The following IRAG2 variants were observed in gnomAD, a reference collection of about 807,000 sequenced individuals.
IRAG2 encodes the protein lymphoid restricted membrane protein.
A neutral mutation model predicts 69.9 loss-of-function variants in IRAG2; 45 were observed. The observed-to-expected ratio is 0.64, with a 90% CI of 0.51 to 0.83. The LOEUF (loss-of-function observed/expected upper bound fraction) is 0.83, where lower values mean the gene tolerates loss of function less well. Ranked by LOEUF, IRAG2 falls within the 40% of genes least tolerant of loss-of-function variation. The probability of loss-of-function intolerance (pLI) is 0.00; values close to 1 mark genes in which losing one functional copy is unlikely to be tolerated. For missense variants in IRAG2, 520 were observed against 587.0 expected, an observed-to-expected ratio of 0.89 and a Z score of 1.18; for synonymous variants, 193 against 202.4, an observed-to-expected ratio of 0.95 and a Z score of 0.40.
At chr12:25,071,738 A>T (rs1200469943) in intron 6 of IRAG2, among the ~76,000 whole-genome samples, 2 of 152,166 alleles carry the variant, frequency 1.3e-5, no homozygotes, top group Admixed American at 6.6e-5. Flanking sequence ...GGCTACTCTT[A>T]GTACACTGAA....
chr12:25,079,129 A>G (rs1947023367), intron 6 of IRAG2, 115 bp from the exon 7 acceptor site: 3 of 993,436 alleles, frequency 3.0e-6, no homozygotes, highest in Admixed American at 3.6e-5. Flanking sequence ...TTTCCAAAAG[A>G]GCTGAGTAAA....
chr12:25,068,712 T>C (rs369838821), intron 5 of IRAG2, among the ~76,000 whole-genome samples: 1 of 151,996 alleles, frequency 6.6e-6, no homozygotes, highest in East Asian at 1.9e-4. Context: ...AACACTCCTA[T>C]CACTCGGGAA....
intron 14 of IRAG2, chr12:25,090,840 C>G (rs1947997692): frequency 6.6e-6 from 3 of 454,388 alleles, no homozygotes; most frequent in South Asian, 4.7e-5. Context: ...ATACAGAAAA[C>G]TGAGCAATAG....
intron 15 of IRAG2, chr12:25,037,885 G>A (rs920815098): frequency 1.5e-5 from 6 of 397,248 alleles, no homozygotes; most frequent in Non-Finnish European, 2.2e-5. Flanking sequence ...CCATTGAGAT[G>A]GAATGTCCAC....
upstream of IRAG2, among the ~76,000 whole-genome samples, chr12:25,047,858 T>C (rs1944808718): frequency 6.6e-6 from 1 of 152,224 alleles, no homozygotes; most frequent in Non-Finnish European, 1.5e-5. Context: ...ATCCAGTCTA[T>C]CACTGATGGG....
intron 9 of IRAG2, among the ~76,000 whole-genome samples, chr12:25,081,212 C>T (rs1471913825): frequency 6.6e-6 from 1 of 152,200 alleles, no homozygotes; most frequent in African/African-American, 2.4e-5. Flanking sequence ...CCTGTAATCC[C>T]AGCACTTTGG....
Position 25,106,977 on chromosome 12 carries a change from A to G in IRAG2, c.1183A>G (p.Thr395Ala), listed in dbSNP as rs1338437225. 8.7e-6 allele frequency: 14 copies of G among 1,606,716 alleles called. No individual in the cohort carries two copies. The highest frequency in any genetic ancestry group is 1.1e-5 in the Non-Finnish European group (13 of 1,175,406). Residue 395 changes from threonine to alanine, a missense_variant, in exon 21 of 22, where the codon ACA (threonine) becomes GCA (alanine). By Grantham distance (58) the Thr-to-Ala change is moderately conservative. Coordinates refer to ENST00000556887, the MANE Select transcript of IRAG2 (RefSeq NM_001366544.2). ...TGACTCAGAGCCATCTGGAGAAGAAACAGTAGAAAGGACAAGGAAGCCAAG... is the reference window on the plus strand; with the variant it reads ...TGACTCAGAGCCATCTGGAGAAGAAGCAGTAGAAAGGACAAGGAAGCCAAG... ...KDDSEPSGEETVERTRKPSLS... is the reference protein window; with the variant it reads ...KDDSEPSGEEAVERTRKPSLS...
intron 1 of IRAG2, among the ~76,000 whole-genome samples, chr12:25,054,719 A>G (rs1497259): frequency 0.35 from 53,298 of 152,046 alleles, 10,576 homozygotes; most frequent in East Asian, 0.65. Flanking sequence ...CTTACTTGTT[A>G]CTTGTATCTT....
intron 7 of IRAG2, among the ~76,000 whole-genome samples, chr12:25,023,697 T>G (rs1944601022): frequency 6.6e-6 from 1 of 152,240 alleles, no homozygotes; most frequent in Non-Finnish European, 1.5e-5. Context: ...GATCCCCAAG[T>G]ACCTGTAGGC....
chr12:25,011,433 G>T, exon 3 of IRAG2: 1 of 1,231,682 alleles, frequency 8.1e-7, no homozygotes, highest in East Asian at 3.2e-5. Context: ...AAATTCTGAA[G>T]ACAGTGGCCT....
intron 8 of IRAG2, among the ~76,000 whole-genome samples, chr12:25,024,406 C>T (rs1449232271): frequency 6.6e-6 from 1 of 152,108 alleles, no homozygotes; most frequent in Non-Finnish European, 1.5e-5. Context: ...ATTTGGTAAA[C>T]CACAATGTAG....
At chr12:25,064,365 G>A (rs1945833250) in intron 4 of IRAG2, among the ~76,000 whole-genome samples, 1 of 152,220 alleles carries the variant, frequency 6.6e-6, no homozygotes, top group Non-Finnish European at 1.5e-5. Context: ...AGCCTTAAGT[G>A]TTTGAAAAAG....
At chr12:25,062,225 G>C (rs957035929) in intron 2 of IRAG2, among the ~76,000 whole-genome samples, 1 of 152,128 alleles carries the variant, frequency 6.6e-6, no homozygotes, top group African/African-American at 2.4e-5. Flanking sequence ...GAAGATGATG[G>C]AGGAGGAAAG....
intron 13 of IRAG2, among the ~76,000 whole-genome samples, chr12:25,035,238 G>A (rs1944693991): frequency 6.6e-6 from 1 of 152,152 alleles, no homozygotes; most frequent in Admixed American, 6.6e-5. Context: ...GAAGTATAGG[G>A]AATGTACTTT....
chr12:25,089,274 C>T (rs1351357287), intron 11 of IRAG2, among the ~76,000 whole-genome samples: 1 of 152,162 alleles, frequency 6.6e-6, no homozygotes, highest in Non-Finnish European at 1.5e-5. Flanking sequence ...CAAAGAAGAA[C>T]CAGGATACCA....
intron 15 of IRAG2, among the ~76,000 whole-genome samples, chr12:25,098,169 C>T (rs550880722): frequency 1.3e-5 from 2 of 152,272 alleles, no homozygotes; most frequent in South Asian, 2.1e-4. Context: ...CAAGTAAATC[C>T]GCTTCTCCAC....
chr12:25,091,827 T>C (rs935140745), intron 14 of IRAG2, among the ~76,000 whole-genome samples: 1 of 152,220 alleles, frequency 6.6e-6, no homozygotes, highest in Non-Finnish European at 1.5e-5. Flanking sequence ...TGGTATCTTA[T>C]TGTGGTTTGG....
chr12:25,005,273 G>A (rs1944422515), exon 2 of IRAG2: 2 of 1,230,628 alleles, frequency 1.6e-6, no homozygotes, highest in South Asian at 8.2e-5. Context: ...TGGTAAAGAA[G>A]ATGTAATATA....
chr12:25,103,975 A>G, intron 18 of IRAG2, 34 bp from the exon 19 acceptor site: 1 of 1,603,432 alleles, frequency 6.2e-7, no homozygotes, highest in South Asian at 1.1e-5. Context: ...CGTATATTTT[A>G]TCATTTCTTT....
Sources: gnomAD v4.1 joint callset for allele counts (sites outside exome capture counted in the v4.1 genomes callset) on GRCh38, gnomAD v4.1.1 for gene constraint, MANE v1.5 for transcripts, NCBI Gene and HGNC (gene_info 2026-07-23, HGNC 2026-07-21) for gene names.